The following MYO1E variants were observed in gnomAD, a reference collection of about 807,000 sequenced individuals.
MYO1E encodes the protein unconventional myosin-Ie.
MYO1E carries 68 observed loss-of-function variants against 151.1 expected under a neutral mutation model. The ratio of observed to expected loss-of-function variants is 0.45; its 90% CI spans 0.37 to 0.55. The LOEUF (loss-of-function observed/expected upper bound fraction) is 0.55. MYO1E is among the 20% of genes least tolerant of loss of function. The pLI is 0.00. For missense variants in MYO1E, 1,363 were observed against 1,389.3 expected (o/e 0.98, Z 0.30); for synonymous variants, 601 against 501.7 (o/e 1.20, Z -2.64).
chr15:59,347,016 G>C (rs2080797825), intron 1 of MYO1E, among the ~76,000 whole-genome samples: 1 of 152,140 alleles, frequency 6.6e-6, no homozygotes, highest in Non-Finnish European at 1.5e-5. Context: ...AGGACACCAT[G>C]TCTGTGGGTA....
intron 15 of MYO1E, 102 bp downstream of exon 15, chr15:59,205,298 G>T: frequency 8.7e-7 from 1 of 1,146,156 alleles, no homozygotes. Flanking sequence ...GAGTAGCTGG[G>T]ACTATAGGAA....
Position 59,220,541 on chromosome 15 carries a change from C to T in MYO1E, c.911-2454G>A, listed in dbSNP as rs556325228. Among the ~76,000 whole-genome samples the T allele has an allele frequency of 8.5e-5, 13 of 152,230 alleles. No individual in the cohort carries two copies. In the South Asian group the frequency reaches 2.5e-3, roughly 29 times the overall value. On this transcript the variant is annotated intron_variant, in intron 9 of 27. Transcript: ENST00000288235. Reference sequence around the variant, plus strand: ...AGGCCAGTTCTGATGAAAATCTTACCATTTTTTTCCATTTTTTTTCTGCAC... The same window carrying T: ...AGGCCAGTTCTGATGAAAATCTTACTATTTTTTTCCATTTTTTTTCTGCAC...
intron 1 of MYO1E, among the ~76,000 whole-genome samples, chr15:59,319,343 A>C (rs1403502289): frequency 1.3e-5 from 2 of 152,030 alleles, no homozygotes; most frequent in Admixed American, 6.6e-5. Context: ...TAGTTCAAAC[A>C]TGAAGTTTCT....
intron 14 of MYO1E, chr15:59,207,842 T>A: frequency 1.2e-6 from 2 of 1,614,226 alleles, no homozygotes; most frequent in Non-Finnish European, 1.7e-6. Flanking sequence ...TCTTGGGCCA[T>A]TGGCCTATCT....
At chr15:59,285,350 CTTTTTT>C (rs368001329) in intron 1 of MYO1E, among the ~76,000 whole-genome samples, 39 of 74,056 alleles carry the variant, frequency 5.3e-4, no homozygotes, top group South Asian at 6.4e-4. Context: ...GACACTGTCT[CTTTTTT>C]TTTTTTTTTT....
chr15:59,171,768 TC>T, intron 22 of MYO1E, 128 bp downstream of exon 22: 2 of 1,213,236 alleles, frequency 1.6e-6, no homozygotes, highest in Non-Finnish European at 2.4e-6. Context: ...AAAGGGAAAT[TC>T]CATTCTCTTG....
At position 59,372,577 on chromosome 15, in the gene MYO1E, G is replaced by T; in HGVS notation, c.-77C>A. ...GGGGCTGGAACGCAGTCTTCTGGGC[G>T]AACTTCAAAAGTTGGTTCCCCTCGC... On this transcript the variant is annotated 5_prime_UTR_variant, in exon 1 of 28. Coordinates refer to ENST00000288235, the MANE Select transcript of MYO1E (RefSeq NM_004998.4). 2.6e-6 allele frequency: 4 copies of T among 1,514,094 alleles called. No individual in the cohort carries two copies. The South Asian group carries it at 3.7e-5, about 14-fold the overall frequency. The allele number at this position is 1,514,094 out of a possible 1,614,324, so 93.8% of individuals were successfully genotyped here.
chr15:59,271,512 C>G (rs1279371610), intron 2 of MYO1E, among the ~76,000 whole-genome samples: 1 of 152,186 alleles, frequency 6.6e-6, no homozygotes, highest in Non-Finnish European at 1.5e-5. Context: ...ATAGTTGCAT[C>G]AAACAAAATT....
rs767828946 is a variant in MYO1E, at chr15:59,372,530, C to G, written c.-30G>C. Reference sequence around the variant, plus strand: ...ACTCGCGCCGCGGTCGCGTCTTCGCCGGGTCCCGCTGCCGGGGAACTGGGG... The same window carrying G: ...ACTCGCGCCGCGGTCGCGTCTTCGCGGGGTCCCGCTGCCGGGGAACTGGGG... On this transcript the variant is annotated 5_prime_UTR_variant, in exon 1 of 28. Coordinates refer to ENST00000288235, the MANE Select transcript of MYO1E (RefSeq NM_004998.4). 1 of 1,535,616 alleles carries G rather than the reference C, an allele frequency of 6.5e-7. No homozygotes were observed. Among genetic ancestry groups the G allele is most frequent in the East Asian group, 2.5e-5 (1 of 40,564 alleles).
intron 1 of MYO1E, among the ~76,000 whole-genome samples, chr15:59,354,864 G>A (rs2080845050): frequency 6.6e-6 from 1 of 152,112 alleles, no homozygotes; most frequent in Non-Finnish European, 1.5e-5. Context: ...TCCCTCCACA[G>A]CTACCCCCTC....
At chr15:59,173,229 C>T (rs568632356) in intron 21 of MYO1E, among the ~76,000 whole-genome samples, 19 of 152,266 alleles carry the variant, frequency 1.2e-4, no homozygotes, top group African/African-American at 4.3e-4. Context: ...TCAATTTCTT[C>T]TAAAAATATT....
At chr15:59,161,401 C>T (rs1374131574) in intron 23 of MYO1E, among the ~76,000 whole-genome samples, 171 bp from the exon 24 acceptor site, 4 of 152,214 alleles carry the variant, frequency 2.6e-5, no homozygotes, top group African/African-American at 7.2e-5. Flanking sequence ...TGGGGTGGCA[C>T]TGTCGCTGCA....
At position 59,236,673 on chromosome 15, in the gene MYO1E, C is replaced by G; in HGVS notation, c.333-1G>C. 3 of 1,611,254 alleles carry G rather than the reference C, an allele frequency of 1.9e-6. No individual in the cohort carries two copies. The highest frequency in any genetic ancestry group is 2.5e-6 in the Non-Finnish European group (3 of 1,177,464). On this transcript the variant is annotated splice_acceptor_variant, in intron 4 of 27. Transcript: ENST00000288235. LOFTEE classifies it high-confidence loss of function. ...TGTTTTTCCAGCACCACTTTCACCA[C>G]TAAAGAAAGACAGACAAAGAATCCA...
At chr15:59,226,474 C>A (rs1283688088) in intron 7 of MYO1E, among the ~76,000 whole-genome samples, 1 of 152,144 alleles carries the variant, frequency 6.6e-6, no homozygotes, top group African/African-American at 2.4e-5. Flanking sequence ...TTATTAACAT[C>A]ATTATATTTT....
intron 17 of MYO1E, among the ~76,000 whole-genome samples, chr15:59,193,783 G>A (rs570725515): frequency 6.6e-6 from 1 of 152,334 alleles, no homozygotes; most frequent in South Asian, 2.1e-4. Context: ...ACCTTAGCAA[G>A]TATGAGCTCC....
intron 25 of MYO1E, among the ~76,000 whole-genome samples, chr15:59,154,170 C>G (rs1023373336): frequency 6.6e-6 from 1 of 152,178 alleles, no homozygotes; most frequent in Non-Finnish European, 1.5e-5. Context: ...TTACAGCCGG[C>G]TGGGAGACAC....
intron 1 of MYO1E, among the ~76,000 whole-genome samples, chr15:59,279,860 C>G (rs2080342996): frequency 6.6e-6 from 1 of 152,150 alleles, no homozygotes; most frequent in South Asian, 2.1e-4. Context: ...TATCTCTGTA[C>G]AAAAATACAG....
intron 1 of MYO1E, among the ~76,000 whole-genome samples, chr15:59,289,053 C>A (rs955884307): frequency 6.6e-6 from 1 of 152,136 alleles, no homozygotes; most frequent in Non-Finnish European, 1.5e-5. Context: ...ATCGATTAAG[C>A]AGTGCAAAAC....
intron 21 of MYO1E, 126 bp from the exon 22 acceptor site, chr15:59,172,168 C>T (rs1313157924): frequency 9.4e-7 from 1 of 1,068,072 alleles, no homozygotes; most frequent in Non-Finnish European, 1.4e-6. Flanking sequence ...ACCAGCCTGA[C>T]CAACATGGTG....
Sources: allele counts gnomAD v4.1 joint callset (sites outside exome capture counted in the v4.1 genomes callset), GRCh38; gene constraint gnomAD v4.1.1; transcripts MANE v1.5; gene names NCBI Gene and HGNC (gene_info 2026-07-23, HGNC 2026-07-21).